Variants in THADA observed in about 807,000 individuals in gnomAD.
The protein encoded by THADA is THADA armadillo repeat containing.
In THADA, 213 loss-of-function variants were observed where a neutral mutation model predicts 219.8. The observed-to-expected ratio is 0.97, with a 90% CI of 0.87 to 1.09. The LOEUF (loss-of-function observed/expected upper bound fraction) is 1.09. Ranked by LOEUF, THADA falls within the 50% of genes least tolerant of loss-of-function variation. THADA has a pLI of 0.00. For synonymous variants in THADA, 1,018 were observed against 828.9 expected (o/e 1.23, Z -3.92); for missense variants, 2,956 against 2,311.3 (o/e 1.28, Z -5.72).
At chr2:43,310,792 C>T (rs1272069473) in intron 31 of THADA, among the ~76,000 whole-genome samples, 1 of 152,198 alleles carries the variant, frequency 6.6e-6, no homozygotes, top group Non-Finnish European at 1.5e-5. Context: ...TAAAAATCCA[C>T]AGAAAGGGAG....
intron 31 of THADA, among the ~76,000 whole-genome samples, chr2:43,293,981 C>T (rs1675055939): frequency 1.3e-5 from 2 of 152,182 alleles, no homozygotes; most frequent in Non-Finnish European, 2.9e-5. Context: ...ACTGTTGACT[C>T]ATATGGAGCA....
chr2:43,297,257 T>A (rs2104389605), intron 31 of THADA, among the ~76,000 whole-genome samples: 2 of 109,836 alleles, frequency 1.8e-5, no homozygotes, highest in East Asian at 4.6e-4. Flanking sequence ...GAGGAGCGTC[T>A]CTGCCCGGCC....
chr2:43,582,817 C>T (rs1443279244), intron 7 of THADA, among the ~76,000 whole-genome samples: 3 of 151,980 alleles, frequency 2.0e-5, no homozygotes, highest in Non-Finnish European at 4.4e-5. Context: ...GATCCACCTG[C>T]CTCGCCCTCC....
chr2:43,398,386 A>G (rs1161957777), intron 28 of THADA, among the ~76,000 whole-genome samples: 1 of 152,218 alleles, frequency 6.6e-6, no homozygotes, highest in East Asian at 1.9e-4. Context: ...GCTTGGGAAT[A>G]AGACAATAAA....
intron 21 of THADA, among the ~76,000 whole-genome samples, chr2:43,533,331 C>T (rs897492111): frequency 3.9e-5 from 6 of 152,124 alleles, no homozygotes; most frequent in Non-Finnish European, 5.9e-5. Context: ...GACAGTGTGG[C>T]GATTCCTCAA....
chr2:43,590,647 A>C (rs1221943547), intron 4 of THADA, among the ~76,000 whole-genome samples, 177 bp downstream of exon 4: 2 of 150,712 alleles, frequency 1.3e-5, no homozygotes, highest in Non-Finnish European at 1.5e-5. Flanking sequence ...TCCGTCTCAA[A>C]AAAAAAAAAA....
At chr2:43,530,698 A>G (rs976505459) in intron 21 of THADA, among the ~76,000 whole-genome samples, 1 of 152,222 alleles carries the variant, frequency 6.6e-6, no homozygotes, top group African/African-American at 2.4e-5. Context: ...TGGATTTACA[A>G]CAGTTCATAA....
chr2:43,398,143 G>A lies in THADA; in HGVS notation c.4059-4C>T, dbSNP rs1348669717. 22 of 1,613,162 alleles carry A rather than the reference G, an allele frequency of 1.4e-5. No individual in the cohort carries two copies. Among genetic ancestry groups the A allele is most frequent in the South Asian group, 4.4e-5 (4 of 90,958 alleles). On this transcript the variant is annotated splice_polypyrimidine_tract_variant and splice_region_variant and intron_variant, in intron 28 of 37. Coordinates refer to ENST00000405975, the MANE Select transcript of THADA (RefSeq NM_022065.5). ...GTAGACAGGTGAGTGACCACACCTG[G>A]GGAGAAATAAAAACACAAGACCATT... is the stretch of plus-strand genomic sequence containing the variant.
chr2:43,591,016 C>G, intron 3 of THADA, 62 bp from the exon 4 acceptor site: 1 of 1,505,346 alleles, frequency 6.6e-7, no homozygotes, highest in Non-Finnish European at 9.1e-7. Context: ...AACATGGTTA[C>G]AGATACTCTT....
chr2:43,555,722 T>C (rs1166852187), intron 17 of THADA, among the ~76,000 whole-genome samples: 1 of 152,116 alleles, frequency 6.6e-6, no homozygotes, highest in Non-Finnish European at 1.5e-5. Flanking sequence ...TGGCTGTTTC[T>C]ACCATCCTGG....
At position 43,383,137 on chromosome 2, in the gene THADA, T is replaced by C. The variant is rs139684695; in HGVS notation, c.4227+14834A>G. Among the ~76,000 whole-genome samples the C allele has an allele frequency of 5.3e-5, 8 of 152,326 alleles. No individual in the cohort carries two copies. In the East Asian group the frequency reaches 1.5e-3, roughly 29 times the overall value. ...TAAAATGGCATTAAATGAGCATGTA[T>C]GGCTCTAAATGTACATTTTGAAAAA... On this transcript the variant is annotated intron_variant, in intron 29 of 37. Transcript: ENST00000405975.
chr2:43,447,862 C>A (rs1681779844), intron 26 of THADA, among the ~76,000 whole-genome samples: 1 of 152,134 alleles, frequency 6.6e-6, no homozygotes, highest in South Asian at 2.1e-4. Context: ...TTTGGACATA[C>A]CAAAAACCAC....
intron 30 of THADA, among the ~76,000 whole-genome samples, chr2:43,330,311 G>C (rs1454634226): frequency 2.0e-5 from 3 of 152,188 alleles, no homozygotes; most frequent in African/African-American, 7.2e-5. Flanking sequence ...GAGGCACCCA[G>C]GCCAGTCTAA....
At chr2:43,482,566 T>C (rs1310332545) in intron 26 of THADA, among the ~76,000 whole-genome samples, 2 of 152,210 alleles carry the variant, frequency 1.3e-5, no homozygotes, top group Admixed American at 6.5e-5. Context: ...CAGTTGATTA[T>C]AGTGGTTATA....
At chr2:43,266,298 T>C (rs72877312) in intron 36 of THADA, among the ~76,000 whole-genome samples, 147 of 152,254 alleles carry the variant, frequency 9.7e-4, no homozygotes, top group African/African-American at 3.4e-3. Context: ...CTCTAGAATG[T>C]AACATGCTCC....
chr2:43,443,636 T>C (rs1459315992), intron 26 of THADA, among the ~76,000 whole-genome samples: 3 of 152,100 alleles, frequency 2.0e-5, no homozygotes. Context: ...TTCAAGCTCC[T>C]AGGAAGAAAA....
intron 26 of THADA, among the ~76,000 whole-genome samples, chr2:43,461,287 A>G (rs568813801): frequency 3.4e-4 from 52 of 152,356 alleles, no homozygotes; most frequent in Non-Finnish European, 1.0e-4. Flanking sequence ...TTTAAAAACC[A>G]ACACATTTTC....
chr2:43,283,957 T>C (rs1673678080), intron 35 of THADA, among the ~76,000 whole-genome samples: 1 of 152,140 alleles, frequency 6.6e-6, no homozygotes, highest in African/African-American at 2.4e-5. Context: ...GATGGGTGGA[T>C]TGCCTGAGGT....
At chr2:43,447,049 T>G (rs933373170) in intron 26 of THADA, among the ~76,000 whole-genome samples, 6 of 152,186 alleles carry the variant, frequency 3.9e-5, no homozygotes, top group Non-Finnish European at 8.8e-5. Flanking sequence ...AGAGGTTTAA[T>G]TGACTCACAG....
Sources: gnomAD v4.1 joint callset for allele counts (sites outside exome capture counted in the v4.1 genomes callset) on GRCh38, gnomAD v4.1.1 for gene constraint, MANE v1.5 for transcripts, NCBI Gene and HGNC (gene_info 2026-07-23, HGNC 2026-07-21) for gene names.